Variants in DPRX observed in about 807,000 individuals in gnomAD.
DPRX encodes the protein divergent paired-related homeobox.
A neutral mutation model predicts 8.4 loss-of-function variants in DPRX; 11 were observed. That is an observed-to-expected ratio of 1.31 (90% CI 0.82 to 2.17). The LOEUF is 2.17. DPRX is among the 30% of genes most tolerant of loss of function. DPRX has a pLI of 0.00. For missense variants in DPRX, 211 were observed against 236.7 expected (o/e 0.89, Z 0.71); for synonymous variants, 72 against 87.0 (o/e 0.83, Z 0.96).
At chr19:53,615,130 C>G in the DPRX span, among the ~76,000 whole-genome samples, 1 of 151,736 alleles carries the variant, frequency 6.6e-6, no homozygotes, top group African/African-American at 2.4e-5. Flanking sequence ...GCCATCATGC[C>G]CAGCTAATTT....
At position 53,636,318 on chromosome 19, in the gene DPRX, A is replaced by T. The variant is rs537886391; in HGVS notation, c.184-278A>T. ...GAGGCGGAGGTTGCAGTGAGCCGAG[A>T]TGGTGCCACTGAACTCCAGCCTGGG... On this transcript the variant is annotated intron_variant, in intron 2 of 2. Coordinates refer to ENST00000376650, the Ensembl canonical transcript of DPRX. Among the ~76,000 whole-genome samples, 8 of 152,108 alleles carry T rather than the reference A, an allele frequency of 5.3e-5. No individual in the cohort carries two copies. The South Asian group carries it at 1.7e-3, about 32-fold the overall frequency.
At chr19:53,634,097 C>T (rs1488071087) in intron 1 of DPRX, among the ~76,000 whole-genome samples, 2 of 152,170 alleles carry the variant, frequency 1.3e-5, no homozygotes, top group Non-Finnish European at 2.9e-5. Context: ...GGACTGCAGC[C>T]TGAGGCACGA....
upstream of DPRX, among the ~76,000 whole-genome samples, chr19:53,628,420 G>A (rs2086692469): frequency 6.6e-6 from 1 of 152,128 alleles, no homozygotes; most frequent in Non-Finnish European, 1.5e-5. Flanking sequence ...AGGGAAAGCA[G>A]GTCTTTGTAG....
the DPRX span, among the ~76,000 whole-genome samples, chr19:53,618,108 A>C: frequency 6.6e-6 from 1 of 150,716 alleles, no homozygotes; most frequent in Non-Finnish European, 1.5e-5. Context: ...CTGCCACTGC[A>C]CTCCAGCCTG....
At chr19:53,627,435 C>CT (rs759332421), upstream of DPRX, among the ~76,000 whole-genome samples, 1,902 of 102,466 alleles carry the variant, frequency 0.019, 69 homozygotes, top group African/African-American at 0.056. Flanking sequence ...TTCTTTCTTT[C>CT]TTTCTTTTTT....
chr19:53,620,031 G>C, the DPRX span, among the ~76,000 whole-genome samples: 1 of 151,958 alleles, frequency 6.6e-6, no homozygotes, highest in African/African-American at 2.4e-5. Context: ...TCCCACATTG[G>C]GTGAGGCTTT....
the DPRX span, chr19:53,601,864 G>C: frequency 2.7e-6 from 1 of 369,434 alleles, no homozygotes. Flanking sequence ...GGGGCTGGAG[G>C]GGGTGTCCAT....
chr19:53,632,186 G>A, intron 1 of DPRX, 52 bp downstream of exon 1: 1 of 1,613,146 alleles, frequency 6.2e-7, no homozygotes, highest in African/African-American at 1.3e-5. Flanking sequence ...GAAGTGGAAA[G>A]CAGCTGGCGG....
the DPRX span, among the ~76,000 whole-genome samples, chr19:53,608,018 C>T: frequency 6.7e-6 from 1 of 148,378 alleles, no homozygotes. Flanking sequence ...ATTAAAAATA[C>T]AAAAATTAGC....
At chr19:53,631,346 C>T (rs2091091895), upstream of DPRX, among the ~76,000 whole-genome samples, 1 of 151,856 alleles carries the variant, frequency 6.6e-6, no homozygotes, top group Non-Finnish European at 1.5e-5. Context: ...TTAACTAAAT[C>T]AGGATATGCA....
the DPRX span, among the ~76,000 whole-genome samples, chr19:53,620,788 T>G: frequency 6.6e-6 from 1 of 152,100 alleles, no homozygotes; most frequent in South Asian, 2.1e-4. Flanking sequence ...GAGACGGGTT[T>G]TCACCTTGTT....
chr19:53,634,148 C>A (rs1042672264), intron 1 of DPRX, among the ~76,000 whole-genome samples: 1 of 151,488 alleles, frequency 6.6e-6, no homozygotes, highest in South Asian at 2.1e-4. Context: ...ACCTCAGTCA[C>A]GGCCGGGCAC....
chr19:53,602,312 G>GTGTGTGTGTGTC, the DPRX span: 81 of 316,306 alleles, frequency 2.6e-4, no homozygotes, highest in African/African-American at 1.7e-3. Flanking sequence ...GTGTGTGTGT[G>GTGTGTGTGTGTC]CCAGCCTCCC....
the DPRX span, among the ~76,000 whole-genome samples, chr19:53,612,632 G>A: frequency 3.2e-4 from 49 of 151,936 alleles, no homozygotes; most frequent in Non-Finnish European, 5.4e-4. Flanking sequence ...GCTTGAACCC[G>A]GGAGGCGGAG....
In DPRX at chr19:53,635,578, G is replaced by A. The variant is rs541996696; in HGVS notation, c.183+893G>A. Among the ~76,000 whole-genome samples, 109 of 151,990 alleles carry A rather than the reference G, an allele frequency of 7.2e-4. 1 individual carries two copies. The Middle Eastern group carries it at 0.01, about 14-fold the overall frequency. On this transcript the variant is annotated intron_variant, in intron 2 of 2. Coordinates refer to ENST00000376650, the Ensembl canonical transcript of DPRX. ...GTGTTTTTTGTAGAGATGGGGTTTC[G>A]TCATGTTGCCCAGGCTGGACTCAAA...
At chr19:53,619,685 A>C in the DPRX span, among the ~76,000 whole-genome samples, 1 of 137,474 alleles carries the variant, frequency 7.3e-6, no homozygotes, top group East Asian at 2.1e-4. Flanking sequence ...CAAAAAAAAA[A>C]AAAACAAAAA....
At chr19:53,622,466 G>A in the DPRX span, among the ~76,000 whole-genome samples, 1 of 152,072 alleles carries the variant, frequency 6.6e-6, no homozygotes, top group East Asian at 1.9e-4. Context: ...ATGAGACCTC[G>A]TCTTATTAAG....
the DPRX span, among the ~76,000 whole-genome samples, chr19:53,619,675 CAAA>C: frequency 2.4e-5 from 2 of 83,982 alleles, no homozygotes; most frequent in Non-Finnish European, 2.5e-5. Flanking sequence ...AACTTCATCT[CAAA>C]AAAAAAAAAA....
At chr19:53,626,006 G>A in the DPRX span, among the ~76,000 whole-genome samples, 1 of 151,734 alleles carries the variant, frequency 6.6e-6, no homozygotes, top group Non-Finnish European at 1.5e-5. Context: ...GCATAATCTC[G>A]GCTCACTGCA....
Sources: allele counts gnomAD v4.1 joint callset (sites outside exome capture counted in the v4.1 genomes callset), GRCh38; gene constraint gnomAD v4.1.1; transcripts MANE v1.5; gene names NCBI Gene and HGNC (gene_info 2026-07-23, HGNC 2026-07-21).